The following UGT1A8 variants were observed in gnomAD, a reference collection of about 807,000 sequenced individuals.
UGT1A8 encodes the protein UDP glucuronosyltransferase family 1 member A8, also known as UDP-glucuronosyltransferase 1A8.
UGT1A8 carries 39 observed loss-of-function variants against 45.3 expected under a neutral mutation model. That is an observed-to-expected ratio of 0.86 (90% CI 0.67 to 1.12). UGT1A8 has a LOEUF of 1.12. UGT1A8 is among the 50% of genes most tolerant of loss of function. The pLI, the probability that UGT1A8 is intolerant of heterozygous loss-of-function variation, is 0.00. For missense variants in UGT1A8, 719 were observed against 664.9 expected, an observed-to-expected ratio of 1.08 and a Z score of -0.90; for synonymous variants, 275 against 249.2, an observed-to-expected ratio of 1.10 and a Z score of -0.97.
chr2:233,762,256 A>G lies in UGT1A8; in HGVS notation c.856-4778A>G, dbSNP rs529163977. Among the ~76,000 whole-genome samples, 14 of 152,334 alleles carry G rather than the reference A, an allele frequency of 9.2e-5. No homozygotes were observed. In the South Asian group the frequency reaches 1.5e-3, roughly 16 times the overall value. On this transcript the variant is annotated intron_variant, in intron 1 of 4. Coordinates refer to ENST00000373450, the MANE Select transcript of UGT1A8 (RefSeq NM_019076.5). ...AAGGCACAGAATAGGCACCCACCGA[A>G]TATGTGTTACATTAATGAATGAGAA...
intron 1 of UGT1A8, among the ~76,000 whole-genome samples, chr2:233,765,526 T>G (rs1002018733): frequency 1.3e-5 from 2 of 151,960 alleles, no homozygotes; most frequent in East Asian, 3.9e-4. Flanking sequence ...AAACACCGCA[T>G]GTTCTCACTC....
intron 1 of UGT1A8, chr2:233,636,514 A>G (rs760197114): frequency 1.4e-5 from 22 of 1,607,776 alleles, no homozygotes; most frequent in South Asian, 7.7e-5. Context: ...CTCGGGCTGC[A>G]GTTCTCTCAT....
At chr2:233,699,036 G>A (rs1254635267) in intron 1 of UGT1A8, among the ~76,000 whole-genome samples, 1 of 152,194 alleles carries the variant, frequency 6.6e-6, no homozygotes, top group East Asian at 1.9e-4. Flanking sequence ...GGCAGTCCCA[G>A]ATGTCCTGAA....
intron 1 of UGT1A8, among the ~76,000 whole-genome samples, chr2:233,758,983 C>T (rs544214589): frequency 1.3e-5 from 2 of 152,264 alleles, no homozygotes; most frequent in South Asian, 4.2e-4. Context: ...GATCTTGGGC[C>T]AGTGGAATGA....
chr2:233,682,636 A>C, intron 1 of UGT1A8: 1 of 1,613,894 alleles, frequency 6.2e-7, no homozygotes, highest in Non-Finnish European at 8.5e-7. Context: ...TAGCCTCTGA[A>C]ATTCTCCAAA....
chr2:233,630,127 C>T (rs1438113775), intron 1 of UGT1A8, among the ~76,000 whole-genome samples: 1 of 151,914 alleles, frequency 6.6e-6, no homozygotes, highest in Non-Finnish European at 1.5e-5. Flanking sequence ...TTAATTTTGC[C>T]TGTTTTTTAA....
chr2:233,724,658 G>C lies in UGT1A8; in HGVS notation c.856-42376G>C, dbSNP rs1029278749. 3.5e-5 allele frequency among the ~76,000 whole-genome samples: 5 copies of C among 142,980 alleles called. 1 individual carries two copies. Among genetic ancestry groups the C allele is most frequent in the African/African-American group, 1.3e-4 (5 of 37,636 alleles). 93.8% of individuals were successfully genotyped at this position (142,980 alleles called of 152,430 possible). On this transcript the variant is annotated intron_variant, in intron 1 of 4. Coordinates refer to ENST00000373450, the MANE Select transcript of UGT1A8 (RefSeq NM_019076.5). ...GATGTGATGGCGGCTGGGAAGAGGC[G>C]CTCCTCACTTCCTAGATGGGATGGC...
chr2:233,629,564 C>T (rs1479988055), intron 1 of UGT1A8, among the ~76,000 whole-genome samples: 1 of 152,068 alleles, frequency 6.6e-6, no homozygotes, highest in Non-Finnish European at 1.5e-5. Context: ...CATCTAAGCT[C>T]ATGAGGGTCT....
intron 1 of UGT1A8, among the ~76,000 whole-genome samples, chr2:233,730,227 G>T (rs1389808961): frequency 2.0e-5 from 3 of 152,112 alleles, no homozygotes; most frequent in East Asian, 3.9e-4. Context: ...TTTGTAAAAG[G>T]ATGGACAAGG....
rs757705398 is a variant in UGT1A8 at position 233,672,800 on chromosome 2, T to G, written c.855+54238T>G. The G allele has an allele frequency of 6.2e-6, 10 of 1,612,020 alleles. No individual in the cohort carries two copies. In the Admixed American group the frequency reaches 1.0e-4, roughly 16 times the overall value. ...AAGCCGTTGCCTATGGTAAGTTATC[T>G]CTCCTTTAGCACCTTAAGAATACTT... On this transcript the variant is annotated intron_variant, in intron 1 of 4. Coordinates refer to ENST00000373450, the MANE Select transcript of UGT1A8 (RefSeq NM_019076.5).
Position 233,747,654 on chromosome 2 carries a change from G to A in UGT1A8, c.856-19380G>A, listed in dbSNP as rs538867928. 1.4e-5 allele frequency: 22 copies of A among 1,591,158 alleles called. No individual in the cohort carries two copies. In the South Asian group the frequency reaches 2.4e-4, roughly 18 times the overall value. On this transcript the variant is annotated intron_variant, in intron 1 of 4. Coordinates refer to ENST00000373450, the MANE Select transcript of UGT1A8 (RefSeq NM_019076.5). ...GCACCTGAATGCTACTTCCTTCGAT[G>A]TGGTTTTAATAGACCCAATTTACCT...
chr2:233,725,867 A>C (rs2077480868), intron 1 of UGT1A8, among the ~76,000 whole-genome samples: 1 of 152,102 alleles, frequency 6.6e-6, no homozygotes, highest in Admixed American at 6.5e-5. Context: ...CATCTCTTTT[A>C]ATTTGAAAAT....
intron 1 of UGT1A8, among the ~76,000 whole-genome samples, chr2:233,621,115 G>A (rs2072995501): frequency 6.6e-6 from 1 of 152,158 alleles, no homozygotes; most frequent in Non-Finnish European, 1.5e-5. Flanking sequence ...TAACAAAGAT[G>A]GCAGATGGCC....
chr2:233,671,780 T>G, intron 1 of UGT1A8: 7 of 1,402,774 alleles, frequency 5.0e-6, no homozygotes, highest in Non-Finnish European at 6.5e-6. Context: ...ATTCTTGTTC[T>G]TTTGGGTAAA....
At chr2:233,640,849 CA>C (rs753456270) in intron 1 of UGT1A8, among the ~76,000 whole-genome samples, 5 of 152,034 alleles carry the variant, frequency 3.3e-5, no homozygotes, top group Non-Finnish European at 7.4e-5. Context: ...GTTGCTATGT[CA>C]GGGGGGAAAT....
intron 1 of UGT1A8, among the ~76,000 whole-genome samples, chr2:233,736,167 C>T (rs1159152421): frequency 6.6e-6 from 1 of 152,232 alleles, no homozygotes; most frequent in Non-Finnish European, 1.5e-5. Context: ...TAGATTTGGT[C>T]TTTCCACATA....
intron 1 of UGT1A8, among the ~76,000 whole-genome samples, chr2:233,677,488 G>T (rs2074391808): frequency 6.6e-6 from 1 of 152,070 alleles, no homozygotes; most frequent in South Asian, 2.1e-4. Flanking sequence ...CACATAGTTT[G>T]TATGTTATTA....
intron 1 of UGT1A8, among the ~76,000 whole-genome samples, chr2:233,650,262 A>G (rs1316648056): frequency 6.6e-6 from 1 of 152,110 alleles, no homozygotes; most frequent in Non-Finnish European, 1.5e-5. Flanking sequence ...GAGCCACCGT[A>G]CCTGGCCAAG....
At chr2:233,759,330 G>A (rs1053848979) in intron 1 of UGT1A8, among the ~76,000 whole-genome samples, 20 of 152,160 alleles carry the variant, frequency 1.3e-4, no homozygotes, top group Admixed American at 1.3e-3. Flanking sequence ...TTAATTGGTT[G>A]GTTCAGGTGA....
Sources: gnomAD v4.1 joint callset for allele counts (sites outside exome capture counted in the v4.1 genomes callset) on GRCh38, gnomAD v4.1.1 for gene constraint, MANE v1.5 for transcripts, NCBI Gene and HGNC (gene_info 2026-07-23, HGNC 2026-07-21) for gene names.